GALNTL6: variants seen among roughly 807,000 people sequenced by gnomAD.
GALNTL6 encodes polypeptide N-acetylgalactosaminyltransferase like 6.
Under a neutral mutation model 73.7 loss-of-function variants are expected in GALNTL6, and 46 were observed. That is an observed-to-expected ratio of 0.62 (90% CI 0.49 to 0.80). GALNTL6 has a LOEUF of 0.80. Ranked by LOEUF, GALNTL6 falls within the 30% of genes least tolerant of loss-of-function variation. GALNTL6 has a pLI of 0.00. For synonymous variants in GALNTL6, 259 were observed against 263.7 expected (o/e 0.98, Z 0.17); for missense variants, 604 against 755.0 (o/e 0.80, Z 2.34).
chr4:172,719,478 A>G (rs1469694354), intron 5 of GALNTL6, among the ~76,000 whole-genome samples: 1 of 152,132 alleles, frequency 6.6e-6, no homozygotes, highest in Non-Finnish European at 1.5e-5. Flanking sequence ...ATAGACAAAC[A>G]TTTAAAAAAA....
chr4:172,818,807 C>G (rs541079558), intron 7 of GALNTL6, among the ~76,000 whole-genome samples: 1 of 152,292 alleles, frequency 6.6e-6, no homozygotes, highest in East Asian at 1.9e-4. Context: ...CCATGTTGGT[C>G]AGGCTGGTCT....
At chr4:172,416,660 T>C (rs1730847977) in intron 5 of GALNTL6, among the ~76,000 whole-genome samples, 1 of 152,164 alleles carries the variant, frequency 6.6e-6, no homozygotes, top group Non-Finnish European at 1.5e-5. Flanking sequence ...TAGATTTAAA[T>C]ATATAAAAAG....
rs117201979 is a variant in GALNTL6, at chr4:172,331,628, A to G, written c.387-16895A>G. On this transcript the variant is annotated intron_variant, in intron 4 of 12. Transcript: ENST00000506823. ...GTACCTCATTTAAGATAAATCATGC[A>G]GTATTTATTTTTCTGAGACTGGCTT... is the stretch of plus-strand genomic sequence containing the variant. Among the ~76,000 whole-genome samples the G allele has an allele frequency of 4.3e-4, 66 of 152,262 alleles. No individual in the cohort carries two copies. In the East Asian group the frequency reaches 0.012, roughly 28 times the overall value.
At chr4:172,541,051 CAAAG>C (rs1409314353) in intron 5 of GALNTL6, among the ~76,000 whole-genome samples, 1 of 152,098 alleles carries the variant, frequency 6.6e-6, no homozygotes, top group African/African-American at 2.4e-5. Context: ...CAAAATCTGT[CAAAG>C]AAAGATATTT....
intron 2 of GALNTL6, among the ~76,000 whole-genome samples, chr4:171,982,514 G>T (rs1251583119): frequency 6.6e-6 from 1 of 151,992 alleles, no homozygotes; most frequent in Non-Finnish European, 1.5e-5. Flanking sequence ...TAGCCAGGAT[G>T]GTCTTGATCT....
chr4:172,104,341 C>T (rs1732617540), intron 2 of GALNTL6, among the ~76,000 whole-genome samples: 1 of 151,920 alleles, frequency 6.6e-6, no homozygotes, highest in Non-Finnish European at 1.5e-5. Flanking sequence ...TTTACTAAGA[C>T]AGAGAGGTAA....
chr4:172,390,626 A>T (rs1743631153), intron 5 of GALNTL6, among the ~76,000 whole-genome samples: 1 of 152,120 alleles, frequency 6.6e-6, no homozygotes, highest in South Asian at 2.1e-4. Context: ...GTTTATACAA[A>T]ATTCAGTGTT....
At chr4:172,631,739 T>C (rs993943150) in intron 5 of GALNTL6, among the ~76,000 whole-genome samples, 1 of 152,210 alleles carries the variant, frequency 6.6e-6, no homozygotes, top group African/African-American at 2.4e-5. Context: ...GTTCTGTTTT[T>C]GTTGTTTTGC....
intron 5 of GALNTL6, among the ~76,000 whole-genome samples, chr4:172,635,691 A>T (rs141738025): frequency 2.2e-4 from 34 of 152,308 alleles, no homozygotes; most frequent in Non-Finnish European, 4.0e-4. Context: ...GCACTTAGAA[A>T]CAAATGAAGT....
At chr4:172,750,826 T>A (rs996967043) in intron 5 of GALNTL6, among the ~76,000 whole-genome samples, 2 of 152,218 alleles carry the variant, frequency 1.3e-5, no homozygotes, top group Non-Finnish European at 2.9e-5. Context: ...CCAAAATTCC[T>A]TCTTTTTTCA....
At chr4:172,309,601 C>CA (rs1222417182) in intron 3 of GALNTL6, among the ~76,000 whole-genome samples, 1 of 151,658 alleles carries the variant, frequency 6.6e-6, no homozygotes, top group Non-Finnish European at 1.5e-5. Flanking sequence ...AAGTCAATAC[C>CA]AGAGTAAATG....
At chr4:172,261,068 T>C (rs1014330981) in intron 3 of GALNTL6, among the ~76,000 whole-genome samples, 2 of 151,462 alleles carry the variant, frequency 1.3e-5, no homozygotes, top group African/African-American at 4.8e-5. Flanking sequence ...AGTTTTCTTT[T>C]TTTGGTATGT....
chr4:172,089,549 T>G (rs1222715816), intron 2 of GALNTL6, among the ~76,000 whole-genome samples: 1 of 152,070 alleles, frequency 6.6e-6, no homozygotes, highest in Non-Finnish European at 1.5e-5. Context: ...TGGAGATTCA[T>G]AGCCCAATAT....
chr4:172,229,479 A>T (rs1396428735), intron 2 of GALNTL6, among the ~76,000 whole-genome samples, 177 bp from the exon 3 acceptor site: 1 of 152,212 alleles, frequency 6.6e-6, no homozygotes, highest in Non-Finnish European at 1.5e-5. Flanking sequence ...GGTTAAAAAA[A>T]AGATTTAAAA....
intron 10 of GALNTL6, among the ~76,000 whole-genome samples, chr4:172,986,412 G>A (rs1020587187): frequency 6.6e-6 from 1 of 152,190 alleles, no homozygotes; most frequent in Non-Finnish European, 1.5e-5. Flanking sequence ...GTGAAAGTCC[G>A]AGCTTCAGTC....
Position 171,988,839 on chromosome 4 carries a change from G to A in GALNTL6, c.138+174121G>A, listed in dbSNP as rs143435152. Reference sequence around the variant, plus strand: ...GATGGTAAGGGGGGCATGATCGGTCGCTAAGGAGGGAGTAGAGGTGTCTTA... The same window carrying A: ...GATGGTAAGGGGGGCATGATCGGTCACTAAGGAGGGAGTAGAGGTGTCTTA... On this transcript the variant is annotated intron_variant, in intron 2 of 12. Transcript: ENST00000506823. 7.1e-3 allele frequency among the ~76,000 whole-genome samples: 1,082 copies of A among 152,146 alleles called. 14 individuals are homozygous for A. The highest frequency in any genetic ancestry group is 0.022 in the African/African-American group (930 of 41,480).
chr4:172,303,063 G>A (rs547524013), intron 3 of GALNTL6, among the ~76,000 whole-genome samples: 20 of 152,050 alleles, frequency 1.3e-4, no homozygotes, highest in East Asian at 3.9e-4. Flanking sequence ...GCAGTGGTGC[G>A]ATTTTGGCTC....
intron 5 of GALNTL6, among the ~76,000 whole-genome samples, chr4:172,741,084 A>G (rs1257072160): frequency 1.5e-5 from 1 of 64,656 alleles, no homozygotes; most frequent in African/African-American, 1.0e-4. Context: ...ACACTGAATT[A>G]GTGAATGTTG....
At chr4:172,784,217 T>C (rs1560950338) in intron 5 of GALNTL6, among the ~76,000 whole-genome samples, 3 of 151,956 alleles carry the variant, frequency 2.0e-5, no homozygotes, top group African/African-American at 7.2e-5. Context: ...GCAGTCTAGA[T>C]TTTTTTTAAA....
Sources: gnomAD v4.1 joint callset for allele counts (sites outside exome capture counted in the v4.1 genomes callset) on GRCh38, gnomAD v4.1.1 for gene constraint, MANE v1.5 for transcripts, NCBI Gene and HGNC (gene_info 2026-07-23, HGNC 2026-07-21) for gene names.